TRPA1: variants seen among roughly 807,000 people sequenced by gnomAD.
The protein encoded by TRPA1 is transient receptor potential cation channel subfamily A member 1.
In TRPA1, 129 loss-of-function variants were observed where a neutral mutation model predicts 131.3. That is an observed-to-expected ratio of 0.98 (90% CI 0.85 to 1.14). The LOEUF (loss-of-function observed/expected upper bound fraction) is 1.14, where lower values mean the gene tolerates loss of function less well. TRPA1 is among the 50% of genes most tolerant of loss of function. The pLI, the probability that TRPA1 is intolerant of heterozygous loss-of-function variation, is 0.00. For missense variants in TRPA1, 1,304 were observed against 1,354.2 expected (o/e 0.96, Z 0.58); for synonymous variants, 441 against 451.7 (o/e 0.98, Z 0.30).
chr8:72,040,775 G>A (rs866173509), intron 17 of TRPA1, among the ~76,000 whole-genome samples: 1 of 152,022 alleles, frequency 6.6e-6, no homozygotes, highest in Non-Finnish European at 1.5e-5. Flanking sequence ...CCAGTATCAT[G>A]ACTTGCTACA....
chr8:72,033,811 G>A lies in TRPA1; in HGVS notation c.2701C>T (p.Pro901Ser). The A allele has an allele frequency of 6.2e-7, 1 of 1,614,000 alleles. No homozygotes were observed. The highest frequency in any genetic ancestry group is 8.5e-7 in the Non-Finnish European group (1 of 1,179,938). ...AAGGTCTGGATTATAGAAAGCAATG[G>A]AGAGCTGAAGGGATCCTGAAAGCAG... ...LLNLQDPFSS[P>S]LLSIIQTFSM... The change falls in exon 23 of 27, where the codon CCA becomes TCA. Residue 901 changes from proline (P) to serine (S), a missense_variant. Pro to Ser is a moderately conservative substitution (Grantham distance 74). Coordinates refer to ENST00000262209, the MANE Select transcript of TRPA1 (RefSeq NM_007332.3).
intron 23 of TRPA1, 35 bp downstream of exon 23, chr8:72,033,609 T>C (rs769654619): frequency 1.3e-6 from 2 of 1,565,110 alleles, no homozygotes; most frequent in African/African-American, 1.4e-5. Flanking sequence ...TTTCAAATGA[T>C]CAACAAACAG....
chr8:72,075,859 A>AGTGTGTGT (rs61575164), upstream of TRPA1, among the ~76,000 whole-genome samples: 1,044 of 135,070 alleles, frequency 7.7e-3, 7 homozygotes, highest in Middle Eastern at 0.016. Context: ...CTTGCATGTG[A>AGTGTGTGT]GTGTGTGTGT....
Position 72,033,820 on chromosome 8 carries a change from A to T in TRPA1, c.2692T>A (p.Phe898Ile). ...FYILLNLQDP[F>I]SSPLLSIIQT... is the part of the protein sequence containing the mutation. The stretch of plus-strand genomic sequence containing the variant: ...ATTATAGAAAGCAATGGAGAGCTGA[A>T]GGGATCCTGAAAGCAGACGGTGAGG... The change falls in exon 23 of 27, where the codon TTC (phenylalanine) becomes ATC (isoleucine). Residue 898 changes from phenylalanine (F) to isoleucine (I), a missense_variant. Physicochemically the swap from Phe to Ile is conservative, Grantham distance 21 (BLOSUM62 0). Transcript: ENST00000262209. 1.2e-6 allele frequency: 2 copies of T among 1,613,956 alleles called. No individual in the cohort carries two copies. Among genetic ancestry groups the T allele is most frequent in the Non-Finnish European group, 1.7e-6 (2 of 1,179,884 alleles).
intron 12 of TRPA1, 44 bp from the exon 13 acceptor site, chr8:72,053,911 T>A (rs1261808942): frequency 6.9e-7 from 1 of 1,451,290 alleles, no homozygotes; most frequent in South Asian, 1.2e-5. Flanking sequence ...ACTTAACAGA[T>A]GAAATGCGGG....
chr8:72,022,719 C>T lies in TRPA1; in HGVS notation c.*187G>A. ...CATATCTGCAAAGATATCCCCAATACATAGTGATTGGTAGAAAATATGAAT... is the reference window on the plus strand; with the variant it reads ...CATATCTGCAAAGATATCCCCAATATATAGTGATTGGTAGAAAATATGAAT... On this transcript the variant is annotated 3_prime_UTR_variant, in exon 27 of 27. Coordinates refer to ENST00000262209, the MANE Select transcript of TRPA1 (RefSeq NM_007332.3). The T allele has an allele frequency of 1.5e-6, 1 of 666,580 alleles. No individual in the cohort carries two copies. The highest frequency in any genetic ancestry group is 2.7e-5 in the East Asian group (1 of 36,782). The allele number at this position is 666,580 out of a possible 1,614,324, so 41.3% of individuals were successfully genotyped here.
In TRPA1 at chr8:72,050,591, A is replaced by G. The variant is rs529538485; in HGVS notation, c.1905+187T>C. ...ATTTTACCATATTATTCTCTATTAC[A>G]TATAATAACTAATAGGATTCTTTAA... On this transcript the variant is annotated intron_variant, in intron 15 of 26. Coordinates refer to ENST00000262209, the MANE Select transcript of TRPA1 (RefSeq NM_007332.3). Among the ~76,000 whole-genome samples, 3 of 152,320 alleles carry G rather than the reference A, an allele frequency of 2.0e-5. No individual in the cohort carries two copies. The South Asian group carries it at 6.2e-4, about 32-fold the overall frequency.
At chr8:72,088,899 G>A in the TRPA1 span, among the ~76,000 whole-genome samples, 18 of 152,090 alleles carry the variant, frequency 1.2e-4, no homozygotes, top group Admixed American at 3.9e-4. Flanking sequence ...CCATGATCTA[G>A]AGTGACTATT....
At position 72,062,946 on chromosome 8, in the gene TRPA1, T is replaced by A; in HGVS notation, c.662-2A>T. 1 of 1,613,340 alleles carries A rather than the reference T, an allele frequency of 6.2e-7. No individual in the cohort carries two copies. Among genetic ancestry groups the A allele is most frequent in the Non-Finnish European group, 8.5e-7 (1 of 1,179,538 alleles). On this transcript the variant is annotated splice_acceptor_variant, in intron 5 of 26. Transcript: ENST00000262209. LOFTEE classifies it high-confidence loss of function. ...GTCTACTGTACCCATGCTCTTCACC[T>A]TGAGAAGAAAATAACATTCAACATA...
intron 14 of TRPA1, 34 bp from the exon 15 acceptor site, chr8:72,050,905 TCTTCATC>T (rs1725379583): frequency 4.3e-6 from 6 of 1,388,212 alleles, no homozygotes; most frequent in Admixed American, 3.4e-5. Flanking sequence ...TAAGCACAGG[TCTTCATC>T]CTTCTGTTCT....
chr8:72,039,360 A>G (rs943327456), intron 18 of TRPA1, among the ~76,000 whole-genome samples: 1 of 152,076 alleles, frequency 6.6e-6, no homozygotes, highest in Non-Finnish European at 1.5e-5. Flanking sequence ...GTTCTATACA[A>G]TGATCCTTTC....
chr8:72,089,981 T>C, the TRPA1 span, among the ~76,000 whole-genome samples: 5 of 152,230 alleles, frequency 3.3e-5, no homozygotes, highest in Admixed American at 1.3e-4. Flanking sequence ...CTGTTTCTGA[T>C]GTTACACAGG....
chr8:72,053,626 TA>T, intron 13 of TRPA1, 126 bp downstream of exon 13: 2 of 742,360 alleles, frequency 2.7e-6, no homozygotes, highest in Non-Finnish European at 4.7e-6. Flanking sequence ...ATCCACTTGC[TA>T]AACACCCAAC....
chr8:72,070,221 A>G (rs1287539479), intron 2 of TRPA1, among the ~76,000 whole-genome samples: 1 of 152,224 alleles, frequency 6.6e-6, no homozygotes, highest in Non-Finnish European at 1.5e-5. Context: ...CATCTACGGT[A>G]CATGGTACTT....
Position 72,075,390 on chromosome 8 carries a change from T to A in TRPA1, c.20A>T (p.Lys7Met), listed in dbSNP as rs755956503. The A allele has an allele frequency of 6.2e-7, 1 of 1,609,636 alleles. No homozygotes were observed. Among genetic ancestry groups the A allele is most frequent in the East Asian group, 2.2e-5 (1 of 44,864 alleles). Residue 7 changes from lysine to methionine, a missense_variant, in exon 1 of 27, where the codon AAG becomes ATG. Coordinates refer to ENST00000262209, the MANE Select transcript of TRPA1 (RefSeq NM_007332.3). The part of the protein sequence containing the change: MKRSLR[K>M]MWRPGEKKEP... ...CTTCTTTTCTCCAGGGCGCCACATCTTCCTCAGGCTGCGCTTCATTGACCC... is the reference window on the plus strand; with the variant it reads ...CTTCTTTTCTCCAGGGCGCCACATCATCCTCAGGCTGCGCTTCATTGACCC...
the TRPA1 span, among the ~76,000 whole-genome samples, chr8:72,086,455 TA>T: frequency 2.3e-4 from 35 of 152,356 alleles, no homozygotes; most frequent in African/African-American, 8.2e-4. Context: ...ATGTTGGTAC[TA>T]AAATTTCTTT....
intron 5 of TRPA1, 58 bp downstream of exon 5, chr8:72,063,405 T>C (rs1005989131): frequency 3.2e-6 from 4 of 1,251,046 alleles, no homozygotes; most frequent in Non-Finnish European, 4.6e-6. Flanking sequence ...ATCAAATTAA[T>C]AGCATCCACC....
rs561796522 is a variant in TRPA1 at position 72,061,637 on chromosome 8, G to T, written c.932C>A (p.Thr311Asn). ...GTAGGAAACTTGCCTGTGAAGCATGGTCTCATGACATCCATCGGTTGTGTT... is the reference window on the plus strand; with the variant it reads ...GTAGGAAACTTGCCTGTGAAGCATGTTCTCATGACATCCATCGGTTGTGTT... Reference protein sequence around the residue: ...IVNTTDGCHETMLHRASLFDH... With the variant: ...IVNTTDGCHENMLHRASLFDH... The change falls in exon 7 of 27, where the codon ACC becomes AAC. Residue 311 changes from threonine (T) to asparagine (N), a missense_variant. Physicochemically the swap from Thr to Asn is moderately conservative, Grantham distance 65. Transcript: ENST00000262209. The T allele has an allele frequency of 3.5e-4, 563 of 1,613,980 alleles. 6 individuals are homozygous for T. Among genetic ancestry groups the T allele is most frequent in the South Asian group, 2.9e-3 (268 of 91,078 alleles).
At chr8:72,067,005 T>C (rs1805946244) in intron 3 of TRPA1, among the ~76,000 whole-genome samples, 1 of 152,214 alleles carries the variant, frequency 6.6e-6, no homozygotes, top group Admixed American at 6.5e-5. Flanking sequence ...TGCAGGCTAC[T>C]GAGAAACAAA....
Sources: allele counts gnomAD v4.1 joint callset (sites outside exome capture counted in the v4.1 genomes callset), GRCh38; gene constraint gnomAD v4.1.1; transcripts MANE v1.5; gene names NCBI Gene and HGNC (gene_info 2026-07-23, HGNC 2026-07-21).